SMYD2: variants seen among roughly 807,000 people sequenced by gnomAD.
SMYD2 encodes SET and MYND domain containing 2.
SMYD2 carries 53 observed loss-of-function variants against 59.1 expected under a neutral mutation model. The ratio of observed to expected loss-of-function variants is 0.90; its 90% CI spans 0.72 to 1.13. SMYD2 has a LOEUF of 1.13. Among genes scored for constraint, SMYD2 ranks in the 50% most tolerant of loss-of-function variants. The probability of loss-of-function intolerance (pLI) is 0.00; values close to 1 mark genes in which losing one functional copy is unlikely to be tolerated. For synonymous variants in SMYD2, 208 were observed against 198.8 expected, an observed-to-expected ratio of 1.05 and a Z score of -0.39; for missense variants, 494 against 544.7, an observed-to-expected ratio of 0.91 and a Z score of 0.93.
intron 2 of SMYD2, among the ~76,000 whole-genome samples, chr1:214,313,512 T>TAA (rs79944948): frequency 7.2e-6 from 1 of 138,360 alleles, no homozygotes; most frequent in Admixed American, 7.3e-5. Flanking sequence ...ATTTCCCATC[T>TAA]AAAAAAAAAA....
intron 10 of SMYD2, chr1:214,332,439 C>T (rs1280738328): frequency 2.2e-6 from 1 of 450,096 alleles, no homozygotes; most frequent in African/African-American, 2.0e-5. Context: ...CAGGTCCATC[C>T]AGGGCCATAT....
chr1:214,327,815 A>G, intron 7 of SMYD2, 91 bp downstream of exon 7: 1 of 1,121,342 alleles, frequency 8.9e-7, no homozygotes, highest in Non-Finnish European at 1.3e-6. Context: ...GTCACTTGAC[A>G]GTATGAGTTG....
chr1:214,284,406 A>G (rs1232621981), intron 1 of SMYD2, among the ~76,000 whole-genome samples: 6 of 151,088 alleles, frequency 4.0e-5, no homozygotes, highest in African/African-American at 1.5e-4. Context: ...GATTACAGGA[A>G]TGCGTCACCA....
Position 214,281,211 on chromosome 1 carries a change from AGCCGCAGCTCGGGCACAGCCGGCG to A in SMYD2, c.-38_-15del. ...GCGTCTCCAATAACAGCTCGCCGGG[AGCCGCAGCTCGGGCACAGCCGGCG>A]GCCGCGCCCCGCCGCCACCATGAGG... On this transcript the variant is annotated 5_prime_UTR_variant, in exon 1 of 12. Coordinates refer to ENST00000366957, the MANE Select transcript of SMYD2 (RefSeq NM_020197.3). 8.3e-7 allele frequency: 1 copy of A among 1,211,328 alleles called. No individual in the cohort carries two copies. The highest frequency in any genetic ancestry group is 3.3e-5 in the East Asian group (1 of 30,042). 75.0% of individuals were successfully genotyped at this position (1,211,328 alleles called of 1,614,324 possible). A position where few individuals can be genotyped will look rare whatever the true frequency, so the allele number is the denominator to read the frequency against.
intron 1 of SMYD2, among the ~76,000 whole-genome samples, chr1:214,283,082 G>T (rs1290371243): frequency 6.6e-6 from 1 of 152,142 alleles, no homozygotes; most frequent in Non-Finnish European, 1.5e-5. Context: ...GCCAGCCCTG[G>T]CCCCCAGTGA....
chr1:214,282,742 C>T (rs1328077879), intron 1 of SMYD2, among the ~76,000 whole-genome samples: 1 of 152,048 alleles, frequency 6.6e-6, no homozygotes, highest in Non-Finnish European at 1.5e-5. Context: ...CGGAATCATG[C>T]CGTGGGCAGC....
intron 1 of SMYD2, among the ~76,000 whole-genome samples, chr1:214,297,089 T>C (rs1446601445): frequency 1.3e-5 from 2 of 152,158 alleles, no homozygotes; most frequent in Non-Finnish European, 2.9e-5. Flanking sequence ...AAAAAGCCAC[T>C]CCACCCAAAT....
intron 1 of SMYD2, among the ~76,000 whole-genome samples, chr1:214,292,089 T>TGAGA (rs56410935): frequency 0.32 from 47,151 of 145,652 alleles, 7,781 homozygotes; most frequent in Middle Eastern, 0.39. Context: ...TTTTCTAGGG[T>TGAGA]GAGAGAGAGA....
At chr1:214,304,558 C>CAAAAAAAAAAAA (rs56254326) in intron 1 of SMYD2, among the ~76,000 whole-genome samples, 7 of 48,024 alleles carry the variant, frequency 1.5e-4, no homozygotes, top group Non-Finnish European at 2.2e-4. Flanking sequence ...GACCCTATCT[C>CAAAAAAAAAAAA]AAAAAAAAAA....
intron 1 of SMYD2, among the ~76,000 whole-genome samples, chr1:214,299,845 A>C (rs987578095): frequency 6.6e-6 from 1 of 152,070 alleles, no homozygotes; most frequent in African/African-American, 2.4e-5. Context: ...TGACCTCGTG[A>C]TCTCCCCTCC....
chr1:214,332,406 G>A (rs931915678), intron 10 of SMYD2: 8 of 540,880 alleles, frequency 1.5e-5, no homozygotes, highest in East Asian at 9.2e-5. Flanking sequence ...GTTATGCAGC[G>A]GATACTGGGG....
At chr1:214,327,532 G>T (rs757998411) in intron 6 of SMYD2, 90 bp from the exon 7 acceptor site, 41 of 1,046,910 alleles carry the variant, frequency 3.9e-5, no homozygotes, top group Non-Finnish European at 6.1e-5. Context: ...CAAAGATTCA[G>T]TTCCTCTGAC....
chr1:214,331,981 C>G, intron 9 of SMYD2, 37 bp from the exon 10 acceptor site: 1 of 1,593,560 alleles, frequency 6.3e-7, no homozygotes, highest in Non-Finnish European at 8.5e-7. Context: ...CTCCAGGCAG[C>G]TTGGGCCCGG....
intron 1 of SMYD2, among the ~76,000 whole-genome samples, chr1:214,296,769 A>G (rs1018777327): frequency 1.3e-5 from 2 of 151,018 alleles, no homozygotes; most frequent in African/African-American, 4.8e-5. Context: ...AGTACCAGAA[A>G]GAAAAAAGGA....
At chr1:214,306,888 T>A (rs180928127) in intron 2 of SMYD2, among the ~76,000 whole-genome samples, 1 of 152,202 alleles carries the variant, frequency 6.6e-6, no homozygotes, top group Non-Finnish European at 1.5e-5. Context: ...TGGCAAGTTA[T>A]GGCTGGGCGC....
intron 1 of SMYD2, among the ~76,000 whole-genome samples, chr1:214,287,362 G>A (rs1216965671): frequency 6.6e-6 from 1 of 151,442 alleles, no homozygotes; most frequent in Non-Finnish European, 1.5e-5. Context: ...CGAGGCGGGC[G>A]GATTACCTGA....
intron 1 of SMYD2, among the ~76,000 whole-genome samples, chr1:214,298,090 T>C (rs1311909984): frequency 6.6e-6 from 1 of 152,118 alleles, no homozygotes; most frequent in Non-Finnish European, 1.5e-5. Context: ...AGACCCCAAA[T>C]AGCCAAAGCA....
chr1:214,282,236 A>G (rs1656463258), intron 1 of SMYD2, among the ~76,000 whole-genome samples: 1 of 152,260 alleles, frequency 6.6e-6, no homozygotes, highest in South Asian at 2.1e-4. Flanking sequence ...TTAAAGGCAC[A>G]TTAGAAATCA....
intron 8 of SMYD2, 122 bp from the exon 9 acceptor site, chr1:214,330,828 T>C: frequency 7.0e-7 from 1 of 1,437,998 alleles, no homozygotes; most frequent in Non-Finnish European, 9.4e-7. Flanking sequence ...TTTCATTCTT[T>C]TGTAACCTTG....
Sources: gnomAD v4.1 joint callset for allele counts (sites outside exome capture counted in the v4.1 genomes callset) on GRCh38, gnomAD v4.1.1 for gene constraint, MANE v1.5 for transcripts, NCBI Gene and HGNC (gene_info 2026-07-23, HGNC 2026-07-21) for gene names.